The following ZMYM4 variants were observed in gnomAD, a reference collection of about 807,000 sequenced individuals.
The protein encoded by ZMYM4 is zinc finger MYM-type containing 4.
ZMYM4 carries 31 observed loss-of-function variants against 183.2 expected under a neutral mutation model. The observed-to-expected ratio is 0.17, with a 90% CI of 0.13 to 0.23. ZMYM4 has a LOEUF of 0.23. Among genes scored for constraint, ZMYM4 ranks in the 10% least tolerant of loss-of-function variants. The pLI is 1.00. For synonymous variants in ZMYM4, 592 were observed against 631.2 expected (o/e 0.94, Z 0.93); for missense variants, 1,273 against 1,840.3 (o/e 0.69, Z 5.64).
chr1:35,312,547 A>G (rs979052794), intron 1 of ZMYM4, among the ~76,000 whole-genome samples: 2 of 152,158 alleles, frequency 1.3e-5, no homozygotes, highest in Non-Finnish European at 2.9e-5. Flanking sequence ...TTCGTGTTTA[A>G]TCTGTCTTAA....
At chr1:35,311,099 G>T (rs536502849) in intron 1 of ZMYM4, among the ~76,000 whole-genome samples, 1 of 152,066 alleles carries the variant, frequency 6.6e-6, no homozygotes, top group South Asian at 2.1e-4. Flanking sequence ...GTTATCTGTC[G>T]CTATAGTTTT....
intron 1 of ZMYM4, among the ~76,000 whole-genome samples, chr1:35,299,950 A>C (rs1641202845): frequency 6.6e-6 from 1 of 151,868 alleles, no homozygotes; most frequent in Non-Finnish European, 1.5e-5. Flanking sequence ...GCCTGCCACC[A>C]CGCCTGGCTA....
At chr1:35,357,562 T>C (rs1643863857) in intron 2 of ZMYM4, among the ~76,000 whole-genome samples, 2 of 152,100 alleles carry the variant, frequency 1.3e-5, no homozygotes, top group African/African-American at 4.8e-5. Context: ...TAGAACTAGG[T>C]GCTAAGTGGA....
intron 7 of ZMYM4, among the ~76,000 whole-genome samples, chr1:35,371,950 T>G (rs1470141622): frequency 1.3e-5 from 2 of 152,214 alleles, no homozygotes; most frequent in African/African-American, 2.4e-5. Context: ...CTATTTTTAT[T>G]GTAAAATTGC....
intron 2 of ZMYM4, among the ~76,000 whole-genome samples, chr1:35,328,937 C>T (rs187779457): frequency 7.7e-4 from 117 of 152,220 alleles, no homozygotes; most frequent in African/African-American, 1.9e-3. Flanking sequence ...TGGTGTAGCA[C>T]TAGACCTACC....
intron 1 of ZMYM4, among the ~76,000 whole-genome samples, chr1:35,318,727 G>A (rs1642160084): frequency 6.6e-6 from 1 of 152,068 alleles, no homozygotes; most frequent in Non-Finnish European, 1.5e-5. Flanking sequence ...CAAAGTGCTG[G>A]GATTACAGGC....
rs529175275 is a variant in ZMYM4 at position 35,307,478 on chromosome 1, A to G, written c.40-17882A>G. 3.1e-3 allele frequency among the ~76,000 whole-genome samples: 471 copies of G among 151,050 alleles called. 2 individuals carry two copies. The highest frequency in any genetic ancestry group is 0.011 in the African/African-American group (451 of 41,276). The stretch of plus-strand genomic sequence containing the variant: ...ATCTGCAAACACATGCAGTACTTTA[A>G]AAAAAAATTTTAATTGTTTAAAAAA... On this transcript the variant is annotated intron_variant, in intron 1 of 29. Transcript: ENST00000314607.
In ZMYM4 at chr1:35,353,623, T is replaced by C. The variant is rs143584971; in HGVS notation, c.86-5302T>C. On this transcript the variant is annotated intron_variant, in intron 2 of 29. Coordinates refer to ENST00000314607, the MANE Select transcript of ZMYM4 (RefSeq NM_005095.3). ...CATGAGAAATTTGTGCTTTCAGGTG[T>C]TTCAGCTGCTGAGATCGTAGTGTTC... Among the ~76,000 whole-genome samples the C allele has an allele frequency of 8.5e-5, 13 of 152,322 alleles. No individual in the cohort carries two copies. In the East Asian group the frequency reaches 2.5e-3, roughly 29 times the overall value.
intron 1 of ZMYM4, among the ~76,000 whole-genome samples, chr1:35,304,812 C>T (rs896867082): frequency 1.3e-5 from 2 of 150,338 alleles, no homozygotes; most frequent in Non-Finnish European, 2.9e-5. Context: ...TATGGTCCAG[C>T]ATATAGTGTA....
At chr1:35,391,025 C>T (rs1644693732) in intron 15 of ZMYM4, among the ~76,000 whole-genome samples, 1 of 152,046 alleles carries the variant, frequency 6.6e-6, no homozygotes, top group Non-Finnish European at 1.5e-5. Context: ...ATAGTGAGAC[C>T]CTGCCTCTAA....
intron 2 of ZMYM4, among the ~76,000 whole-genome samples, chr1:35,341,201 T>C (rs1398119225): frequency 1.3e-5 from 2 of 152,180 alleles, no homozygotes. Flanking sequence ...GTCAAGCCAC[T>C]GTCTCAGTTT....
At chr1:35,335,929 A>G (rs1642956683) in intron 2 of ZMYM4, among the ~76,000 whole-genome samples, 1 of 152,246 alleles carries the variant, frequency 6.6e-6, no homozygotes, top group East Asian at 1.9e-4. Flanking sequence ...CTCCGTCTCA[A>G]AAAAACAAAA....
chr1:35,299,302 G>A (rs868425668), intron 1 of ZMYM4, among the ~76,000 whole-genome samples: 3 of 152,008 alleles, frequency 2.0e-5, no homozygotes, highest in Admixed American at 6.6e-5. Flanking sequence ...GGTTCTTGGC[G>A]TCTTGAACAA....
chr1:35,272,875 A>G (rs1176546581), intron 1 of ZMYM4, among the ~76,000 whole-genome samples: 2 of 151,916 alleles, frequency 1.3e-5, no homozygotes, highest in Non-Finnish European at 2.9e-5. Context: ...TGCCCGGCTA[A>G]TTTTTTGTTT....
chr1:35,367,953 G>A (rs1432838502), intron 5 of ZMYM4, among the ~76,000 whole-genome samples: 1 of 151,852 alleles, frequency 6.6e-6, no homozygotes, highest in Non-Finnish European at 1.5e-5. Context: ...GTGACAGAGT[G>A]AAACTCTGTC....
chr1:35,342,441 C>T (rs1229192792), intron 2 of ZMYM4, among the ~76,000 whole-genome samples: 1 of 151,980 alleles, frequency 6.6e-6, no homozygotes, highest in African/African-American at 2.4e-5. Context: ...GATTACACTG[C>T]TCTTGGCCTC....
intron 1 of ZMYM4, among the ~76,000 whole-genome samples, chr1:35,320,571 G>C (rs577094947): frequency 2.0e-5 from 3 of 152,266 alleles, no homozygotes; most frequent in South Asian, 2.1e-4. Context: ...CACACCCCAA[G>C]TTATATAGCT....
rs577529020 is a variant in ZMYM4, at chr1:35,387,802, A to T, written c.2263+198A>T. Reference sequence around the variant, plus strand: ...ATTATGTAGCTGTTAAAATGAAGTGAAAGATTTGCAAAGTATAATGCAGAA... The same window carrying T: ...ATTATGTAGCTGTTAAAATGAAGTGTAAGATTTGCAAAGTATAATGCAGAA... On this transcript the variant is annotated intron_variant, in intron 13 of 29. Transcript: ENST00000314607. Among the ~76,000 whole-genome samples, 15 of 152,332 alleles carry T rather than the reference A, an allele frequency of 9.8e-5. No homozygotes were observed. Among genetic ancestry groups the T allele is most frequent in the South Asian group, 6.2e-4 (3 of 4,824 alleles).
chr1:35,360,379 A>G (rs1055895572), intron 3 of ZMYM4, among the ~76,000 whole-genome samples: 1 of 152,086 alleles, frequency 6.6e-6, no homozygotes, highest in East Asian at 1.9e-4. Flanking sequence ...TAAATGTTCA[A>G]TAGCTGTGAA....
Sources: gnomAD v4.1 joint callset for allele counts (sites outside exome capture counted in the v4.1 genomes callset) on GRCh38, gnomAD v4.1.1 for gene constraint, MANE v1.5 for transcripts, NCBI Gene and HGNC (gene_info 2026-07-23, HGNC 2026-07-21) for gene names.